Variants in SNRPD1 observed in about 807,000 individuals in gnomAD.
SNRPD1 encodes small nuclear ribonucleoprotein D1 polypeptide.
SNRPD1 carries 1 observed loss-of-function variant against 14.4 expected under a neutral mutation model. That is an observed-to-expected ratio of 0.07 (90% confidence interval 0.02 to 0.33). The LOEUF (loss-of-function observed/expected upper bound fraction) is 0.33. SNRPD1 is among the 10% of genes least tolerant of loss of function. The probability of loss-of-function intolerance (pLI) is 1.00; values close to 1 mark genes in which losing one functional copy is unlikely to be tolerated. For missense variants in SNRPD1, 52 were observed against 146.4 expected, an observed-to-expected ratio of 0.36 and a Z score of 3.33; for synonymous variants, 42 against 50.3, an observed-to-expected ratio of 0.83 and a Z score of 0.70.
intron 1 of SNRPD1, among the ~76,000 whole-genome samples, chr18:21,615,088 G>A (rs1430789952): frequency 6.6e-6 from 1 of 152,156 alleles, no homozygotes; most frequent in Non-Finnish European, 1.5e-5. Context: ...ACCTCAGACA[G>A]TTTCCTCAAG....
intron 3 of SNRPD1, among the ~76,000 whole-genome samples, chr18:21,624,646 A>G (rs2959527): frequency 0.52 from 77,633 of 149,948 alleles, 23,403 homozygotes; most frequent in African/African-American, 0.84. Flanking sequence ...AGCCAAGATC[A>G]CGCCACTGCA....
At chr18:21,617,565 A>C (rs964544737) in intron 1 of SNRPD1, among the ~76,000 whole-genome samples, 3 of 152,116 alleles carry the variant, frequency 2.0e-5, no homozygotes, top group African/African-American at 7.2e-5. Context: ...TCTCTTTTAA[A>C]TGTGAATATG....
chr18:21,619,433 C>T lies in SNRPD1; in HGVS notation c.15-3292C>T, dbSNP rs571931111. ...CTGACCTCAGGTGATCCGCCTGCCT[C>T]GCCCTCCCAAAGTGCTGGGATTACA... On this transcript the variant is annotated intron_variant, in intron 1 of 3. Transcript: ENST00000300413. Among the ~76,000 whole-genome samples the T allele has an allele frequency of 1.3e-4, 19 of 151,798 alleles. 1 individual carries two copies. In the South Asian group the frequency reaches 2.3e-3, roughly 18 times the overall value.
chr18:21,622,208 C>T (rs1334395781), intron 1 of SNRPD1, among the ~76,000 whole-genome samples: 16 of 151,316 alleles, frequency 1.1e-4, no homozygotes, highest in African/African-American at 3.6e-4. Context: ...GGCGTGATCT[C>T]GGCTCACTGA....
chr18:21,613,381 C>T (rs1568122302), intron 1 of SNRPD1, among the ~76,000 whole-genome samples: 2 of 152,064 alleles, frequency 1.3e-5, no homozygotes, highest in Non-Finnish European at 2.9e-5. Context: ...CAAGGATTGT[C>T]AATATCCGCT....
chr18:21,625,023 T>G (rs2039026027), intron 3 of SNRPD1, among the ~76,000 whole-genome samples: 1 of 152,272 alleles, frequency 6.6e-6, no homozygotes, highest in South Asian at 2.1e-4. Context: ...ATCATAGGCC[T>G]AAACTACATT....
rs1272005196 is a variant in SNRPD1, at chr18:21,632,384, T to C, written c.*3246T>C. 1 of 151,318 alleles carries C rather than the reference T, an allele frequency of 6.6e-6. No homozygotes were observed. The highest frequency in any genetic ancestry group is 1.9e-4 in the East Asian group (1 of 5,154). 9.4% of individuals were successfully genotyped at this position (151,318 alleles called of 1,614,324 possible). ...TTAGGCAGGAGAATCACTTGAACCC[T>C]GGAGGCAGAGGTTGCAGTGAGCTGA... On this transcript the variant is annotated 3_prime_UTR_variant, in exon 4 of 4. Transcript: ENST00000300413.
chr18:21,622,478 G>A (rs913860084), intron 1 of SNRPD1, among the ~76,000 whole-genome samples: 2 of 152,118 alleles, frequency 1.3e-5, no homozygotes, highest in African/African-American at 4.8e-5. Context: ...CTAAGATCTT[G>A]TATGTCTGGA....
intron 3 of SNRPD1, among the ~76,000 whole-genome samples, chr18:21,624,386 AAACC>A (rs1378184838): frequency 2.7e-5 from 4 of 149,280 alleles, no homozygotes; most frequent in African/African-American, 9.9e-5. Flanking sequence ...AAAAAAAAAA[AAACC>A]AAACAACAAA....
chr18:21,623,045 G>A (rs1343166570), intron 2 of SNRPD1, among the ~76,000 whole-genome samples: 1 of 151,468 alleles, frequency 6.6e-6, no homozygotes, highest in East Asian at 1.9e-4. Context: ...TCCTGTCTCA[G>A]CCTCCCAAGT....
intron 1 of SNRPD1, 144 bp downstream of exon 1, chr18:21,612,587 T>C: frequency 1.8e-6 from 1 of 570,956 alleles, no homozygotes; most frequent in Non-Finnish European, 3.0e-6. Flanking sequence ...CGCCCGCAGC[T>C]CGTGCTCGGG....
At chr18:21,625,502 G>T (rs990079443) in intron 3 of SNRPD1, among the ~76,000 whole-genome samples, 4 of 151,674 alleles carry the variant, frequency 2.6e-5, no homozygotes, top group African/African-American at 9.7e-5. Context: ...TTTTAGTAGA[G>T]GTGGGGTTTC....
rs148375114 is a variant in SNRPD1, at chr18:21,618,219, T to G, written c.15-4506T>G. On this transcript the variant is annotated intron_variant, in intron 1 of 3. Transcript: ENST00000300413. ...AGGCTGATTGCTTGAGCTCAGGAGTTTAAGACTAGTCTAGGCAACATGGCA... is the reference window on the plus strand; with the variant it reads ...AGGCTGATTGCTTGAGCTCAGGAGTGTAAGACTAGTCTAGGCAACATGGCA... 5.4e-3 allele frequency among the ~76,000 whole-genome samples: 821 copies of G among 152,082 alleles called. 9 individuals carry two copies. The highest frequency in any genetic ancestry group is 0.016 in the African/African-American group (683 of 41,492).
intron 1 of SNRPD1, among the ~76,000 whole-genome samples, chr18:21,621,730 A>G (rs976130485): frequency 6.6e-6 from 1 of 152,124 alleles, no homozygotes. Flanking sequence ...GGCGTACGCC[A>G]TCCTGCCCAG....
At chr18:21,621,890 A>C (rs1332715174) in intron 1 of SNRPD1, among the ~76,000 whole-genome samples, 1 of 152,068 alleles carries the variant, frequency 6.6e-6, no homozygotes, top group African/African-American at 2.4e-5. Flanking sequence ...CTCAGTTCTT[A>C]GAATGTTTTG....
intron 3 of SNRPD1, among the ~76,000 whole-genome samples, chr18:21,627,191 C>T (rs537406949): frequency 1.8e-4 from 28 of 152,124 alleles, no homozygotes; most frequent in African/African-American, 5.8e-4. Flanking sequence ...ATCGCTTGAA[C>T]CCGAGAGGCG....
chr18:21,622,907 T>C (rs1330921201), intron 2 of SNRPD1, 106 bp downstream of exon 2: 2 of 531,718 alleles, frequency 3.8e-6, no homozygotes, highest in Admixed American at 3.7e-5. Flanking sequence ...CAAATCCTTA[T>C]TTTTTTTGTC....
At chr18:21,622,842 T>C (rs760090385) in intron 2 of SNRPD1, 41 bp downstream of exon 2, 1 of 959,534 alleles carries the variant, frequency 1.0e-6, no homozygotes, top group Non-Finnish European at 1.7e-6. Context: ...TTTTTTCTTC[T>C]CTTTTACCTA....
At chr18:21,627,990 G>C (rs1304769365) in intron 3 of SNRPD1, among the ~76,000 whole-genome samples, 1 of 152,150 alleles carries the variant, frequency 6.6e-6, no homozygotes, top group Non-Finnish European at 1.5e-5. Flanking sequence ...TACTTTGTAA[G>C]AGTACGGGCC....
Sources: gnomAD v4.1 joint callset for allele counts (sites outside exome capture counted in the v4.1 genomes callset) on GRCh38, gnomAD v4.1.1 for gene constraint, MANE v1.5 for transcripts, NCBI Gene and HGNC (gene_info 2026-07-23, HGNC 2026-07-21) for gene names.